MAGI2: variants seen among roughly 807,000 people sequenced by gnomAD.
MAGI2 encodes membrane-associated guanylate kinase, WW and PDZ domain-containing protein 2.
A neutral mutation model predicts 133.3 loss-of-function variants in MAGI2; 35 were observed. The observed-to-expected ratio is 0.26, with a 90% confidence interval of 0.20 to 0.35. The LOEUF (loss-of-function observed/expected upper bound fraction) is 0.35. Among genes scored for constraint, MAGI2 ranks in the 10% least tolerant of loss-of-function variants. MAGI2 has a pLI of 1.00. For synonymous variants in MAGI2, 729 were observed against 710.6 expected (o/e 1.03, Z -0.41); for missense variants, 1,636 against 1,863.4 (o/e 0.88, Z 2.25).
chr7:78,770,692 TGA>T (rs1825499374), intron 2 of MAGI2, among the ~76,000 whole-genome samples: 1 of 152,144 alleles, frequency 6.6e-6, no homozygotes, highest in Non-Finnish European at 1.5e-5. Flanking sequence ...GCAAATGAAG[TGA>T]GAGTCGAATC....
At chr7:79,094,964 G>A (rs1817393180) in intron 1 of MAGI2, among the ~76,000 whole-genome samples, 1 of 152,160 alleles carries the variant, frequency 6.6e-6, no homozygotes, top group African/African-American at 2.4e-5. Flanking sequence ...TCAATTTGAA[G>A]TCATCAGCTG....
At chr7:78,608,705 G>A (rs990521225) in intron 3 of MAGI2, among the ~76,000 whole-genome samples, 1 of 152,090 alleles carries the variant, frequency 6.6e-6, no homozygotes, top group Non-Finnish European at 1.5e-5. Context: ...TTTAAGAGAT[G>A]TTAGGCACTT....
chr7:78,180,625 T>C (rs952175616), intron 13 of MAGI2, among the ~76,000 whole-genome samples: 2 of 152,162 alleles, frequency 1.3e-5, no homozygotes, highest in Non-Finnish European at 2.9e-5. Context: ...TTGGTGACAA[T>C]ACCGATCCTG....
intron 1 of MAGI2, among the ~76,000 whole-genome samples, chr7:79,161,624 T>C (rs1824364511): frequency 6.6e-6 from 1 of 152,236 alleles, no homozygotes; most frequent in Admixed American, 6.5e-5. Context: ...CAGTGTCTGA[T>C]AGACAGCTCT....
intron 9 of MAGI2, among the ~76,000 whole-genome samples, chr7:78,334,020 T>C (rs1254714216): frequency 6.6e-6 from 1 of 152,194 alleles, no homozygotes; most frequent in African/African-American, 2.4e-5. Flanking sequence ...AAAGGAAGCC[T>C]GCTCTGGATA....
chr7:79,235,666 C>T (rs540051319), intron 1 of MAGI2, among the ~76,000 whole-genome samples: 26 of 152,286 alleles, frequency 1.7e-4, no homozygotes, highest in South Asian at 4.1e-4. Context: ...GCACGGTGCG[C>T]GCACCCACTG....
In MAGI2 at chr7:78,262,038, T is replaced by C. The variant is rs535748919; in HGVS notation, c.1409-5457A>G. 4.6e-5 allele frequency among the ~76,000 whole-genome samples: 7 copies of C among 152,202 alleles called. No individual in the cohort carries two copies. The South Asian group carries it at 1.5e-3, about 32-fold the overall frequency. ...GAAGTTGGGTCTCCCTTAAAATAAT[T>C]TGAAGCAGTTTCTAAAAATTCCCAG... On this transcript the variant is annotated intron_variant, in intron 9 of 21. Transcript: ENST00000354212.
intron 3 of MAGI2, among the ~76,000 whole-genome samples, chr7:78,559,172 A>C (rs1800152646): frequency 2.1e-4 from 2 of 9,744 alleles, no homozygotes; most frequent in Admixed American, 1.6e-3. Context: ...AAAAAAGCCA[A>C]AAAGAAAAGA....
intron 1 of MAGI2, among the ~76,000 whole-genome samples, chr7:79,292,935 C>G (rs1836623692): frequency 6.6e-6 from 1 of 152,092 alleles, no homozygotes; most frequent in African/African-American, 2.4e-5. Flanking sequence ...TTGCCATTAC[C>G]TCCAACCTAC....
intron 2 of MAGI2, among the ~76,000 whole-genome samples, chr7:78,873,425 T>C (rs1486050275): frequency 6.6e-6 from 1 of 151,978 alleles, no homozygotes; most frequent in Non-Finnish European, 1.5e-5. Flanking sequence ...AGCATTAGAT[T>C]CTCATAGTAG....
intron 2 of MAGI2, among the ~76,000 whole-genome samples, chr7:78,684,382 G>C (rs994971683): frequency 1.3e-5 from 2 of 152,088 alleles, no homozygotes; most frequent in Admixed American, 6.6e-5. Flanking sequence ...GAATGGATAA[G>C]CTTCAAATAA....
intron 2 of MAGI2, among the ~76,000 whole-genome samples, chr7:78,936,291 G>A (rs902100137): frequency 1.3e-4 from 20 of 151,832 alleles, no homozygotes; most frequent in African/African-American, 4.8e-4. Context: ...ACCATGCTAA[G>A]CATTTTGTAT....
chr7:79,218,900 T>A (rs1428948478), intron 1 of MAGI2, among the ~76,000 whole-genome samples: 2 of 152,142 alleles, frequency 1.3e-5, no homozygotes, highest in Non-Finnish European at 2.9e-5. Context: ...GTGTAAAAGT[T>A]ACATAAGTAA....
chr7:78,023,095 C>G (rs867777291), intron 21 of MAGI2, among the ~76,000 whole-genome samples: 1 of 151,786 alleles, frequency 6.6e-6, no homozygotes, highest in Admixed American at 6.6e-5. Flanking sequence ...TGTCCAGGCA[C>G]GAGCCTGCAA....
At chr7:79,240,562 G>A (rs1006372399) in intron 1 of MAGI2, among the ~76,000 whole-genome samples, 2 of 152,016 alleles carry the variant, frequency 1.3e-5, no homozygotes, top group Non-Finnish European at 2.9e-5. Context: ...ATCACTTGGT[G>A]ATCTAGAAAT....
intron 1 of MAGI2, among the ~76,000 whole-genome samples, chr7:79,148,413 C>A (rs1822858390): frequency 6.6e-6 from 1 of 152,164 alleles, no homozygotes; most frequent in Admixed American, 6.5e-5. Context: ...GGGTGATCTG[C>A]CTAACTATTT....
At chr7:79,321,731 G>A (rs1839202611) in intron 1 of MAGI2, among the ~76,000 whole-genome samples, 1 of 152,132 alleles carries the variant, frequency 6.6e-6, no homozygotes, top group African/African-American at 2.4e-5. Flanking sequence ...TGATATAACT[G>A]AAAACTCACA....
intron 6 of MAGI2, among the ~76,000 whole-genome samples, chr7:78,433,082 G>A (rs1190975563): frequency 6.6e-6 from 1 of 152,000 alleles, no homozygotes; most frequent in Non-Finnish European, 1.5e-5. Context: ...AAAGATAGAA[G>A]GTGGTCAAAA....
chr7:79,326,218 G>A (rs1021904089), intron 1 of MAGI2, among the ~76,000 whole-genome samples: 12 of 151,406 alleles, frequency 7.9e-5, no homozygotes, highest in African/African-American at 2.9e-4. Flanking sequence ...AAAAACTATG[G>A]ATCTTAATTA....
Sources: gnomAD v4.1 joint callset for allele counts (sites outside exome capture counted in the v4.1 genomes callset) on GRCh38, gnomAD v4.1.1 for gene constraint, MANE v1.5 for transcripts, NCBI Gene and HGNC (gene_info 2026-07-23, HGNC 2026-07-21) for gene names.